CDC42: variants seen among roughly 807,000 people sequenced by gnomAD.
The protein encoded by CDC42 is cell division cycle 42, also known as cell division control protein 42 homolog.
In CDC42, 1 loss-of-function variant was observed where a neutral mutation model predicts 20.8. That is an observed-to-expected ratio of 0.05 (90% CI 0.02 to 0.23). The LOEUF (loss-of-function observed/expected upper bound fraction) is 0.23, where lower values mean the gene tolerates loss of function less well. CDC42 is among the 10% of genes least tolerant of loss of function. CDC42 has a pLI of 1.00. For synonymous variants in CDC42, 72 were observed against 84.8 expected (o/e 0.85, Z 0.83); for missense variants, 49 against 227.9 (o/e 0.21, Z 5.05).
Position 22,100,022 on chromosome 1 carries a change from TCTTCTTC to T in CDC42, c.*8506_*8512del, listed in dbSNP as rs1473115669. Among the ~76,000 whole-genome samples the T allele has an allele frequency of 3.8e-3, 107 of 28,302 alleles. No individual in the cohort carries two copies. Among genetic ancestry groups the T allele is most frequent in the African/African-American group, 0.015 (104 of 6,924 alleles). 18.6% of individuals were successfully genotyped at this position (28,302 alleles called of 152,430 possible). On this transcript the variant is annotated 3_prime_UTR_variant, in exon 6 of 6. Coordinates refer to ENST00000656825, the MANE Select transcript of CDC42 (RefSeq NM_001791.4). The stretch of plus-strand genomic sequence containing the variant: ...CTGGCCTTTTTTTCTTTCTTCTTCT[TCTTCTTC>T]TTTTTTTTTTTTTTTGTATAATAGG...
At position 22,101,060 on chromosome 1, in the gene CDC42, G is replaced by C. The variant is rs1462291706; in HGVS notation, c.*9543G>C. 6.6e-6 allele frequency: 1 copy of C among 152,234 alleles called. No homozygotes were observed. Among genetic ancestry groups the C allele is most frequent in the African/African-American group, 2.4e-5 (1 of 41,450 alleles). The allele number at this position is 152,234 out of a possible 1,614,324, so 9.4% of individuals were successfully genotyped here. A position where few individuals can be genotyped will look rare whatever the true frequency, so the allele number is the denominator to read the frequency against. Reference sequence around the variant, plus strand: ...CCTGTGAATTCTTCACTGGCTTCTTGTAAGAATGACTTTACTGGAGGGTGC... The same window carrying C: ...CCTGTGAATTCTTCACTGGCTTCTTCTAAGAATGACTTTACTGGAGGGTGC... On this transcript the variant is annotated 3_prime_UTR_variant, in exon 6 of 6. Transcript: ENST00000656825.
At chr1:22,053,314 A>T (rs1239351945) in intron 1 of CDC42, 1 of 151,524 alleles carries the variant, frequency 6.6e-6, no homozygotes, top group African/African-American at 2.4e-5. Flanking sequence ...GGGCGGTGGC[A>T]GGAGGGCAGC....
At chr1:22,064,928 G>T (rs1022721784) in intron 1 of CDC42, among the ~76,000 whole-genome samples, 9 of 152,062 alleles carry the variant, frequency 5.9e-5, no homozygotes, top group African/African-American at 2.2e-4. Flanking sequence ...ACCCACCTCG[G>T]CATTCTGGGA....
chr1:22,085,099 G>A (rs1019707690), intron 3 of CDC42, among the ~76,000 whole-genome samples: 3 of 151,974 alleles, frequency 2.0e-5, no homozygotes, highest in Non-Finnish European at 2.9e-5. Flanking sequence ...TGGTGCGGTG[G>A]TGTGTGCCTA....
chr1:22,080,033 G>A (rs763530913), intron 2 of CDC42, among the ~76,000 whole-genome samples: 1 of 152,174 alleles, frequency 6.6e-6, no homozygotes, highest in Non-Finnish European at 1.5e-5. Flanking sequence ...AATGGATTTG[G>A]TGTAGAATGC....
intron 5 of CDC42, among the ~76,000 whole-genome samples, chr1:22,087,335 C>T (rs1645671127): frequency 6.6e-6 from 1 of 152,176 alleles, no homozygotes; most frequent in African/African-American, 2.4e-5. Flanking sequence ...AGAAGGCAGC[C>T]ATGGCTATTT....
At position 22,093,161 on chromosome 1, in the gene CDC42, A is replaced by T. The variant is rs569046807; in HGVS notation, c.*1644A>T. ...CTCCTCTAAGTTTGACCCTTCCCTT[A>T]AATACCAAGTAGGTCCATAATAATT... On this transcript the variant is annotated 3_prime_UTR_variant, in exon 6 of 6. Transcript: ENST00000656825. Among the ~76,000 whole-genome samples, 1 of 152,320 alleles carries T rather than the reference A, an allele frequency of 6.6e-6. No homozygotes were observed. Among genetic ancestry groups the T allele is most frequent in the African/African-American group, 2.4e-5 (1 of 41,564 alleles).
At chr1:22,076,960 G>A (rs1645558506) in intron 1 of CDC42, among the ~76,000 whole-genome samples, 1 of 151,980 alleles carries the variant, frequency 6.6e-6, no homozygotes, top group Non-Finnish European at 1.5e-5. Flanking sequence ...ACCAGCCTGG[G>A]TAACAGTGAG....
intron 2 of CDC42, chr1:22,078,953 C>T: frequency 3.9e-6 from 3 of 778,830 alleles, no homozygotes; most frequent in Non-Finnish European, 5.2e-6. Context: ...CCTGGGATAC[C>T]ATTTGAGGTC....
intron 1 of CDC42, among the ~76,000 whole-genome samples, chr1:22,062,748 AAAAAAAAAAAAAAAAAAG>A: frequency 6.8e-6 from 1 of 147,464 alleles, no homozygotes; most frequent in African/African-American, 2.6e-5. Context: ...AAAAAAAAAA[AAAAAAAAAAAAAAAAAAG>A]ATTTTTTCCG....
intron 5 of CDC42, chr1:22,089,960 G>C (rs1224393975): frequency 5.6e-6 from 9 of 1,613,964 alleles, no homozygotes; most frequent in Non-Finnish European, 7.6e-6. Flanking sequence ...TGAAGAATGT[G>C]TTTGATGAGG....
In CDC42 at chr1:22,094,521, T is replaced by C. The variant is rs1165416582; in HGVS notation, c.*3004T>C. On this transcript the variant is annotated 3_prime_UTR_variant, in exon 6 of 6. Transcript: ENST00000656825. Reference sequence around the variant, plus strand: ...ACCGTGTTAGCCAGAATGGTCTCGATCTCCTGACCTCGTGATCCGCCCGCC... The same window carrying C: ...ACCGTGTTAGCCAGAATGGTCTCGACCTCCTGACCTCGTGATCCGCCCGCC... Among the ~76,000 whole-genome samples, 1 of 150,350 alleles carries C rather than the reference T, an allele frequency of 6.7e-6. No homozygotes were observed. Among genetic ancestry groups the C allele is most frequent in the Non-Finnish European group, 1.5e-5 (1 of 67,764 alleles).
At chr1:22,058,055 T>C (rs2152826167) in intron 1 of CDC42, among the ~76,000 whole-genome samples, 1 of 152,264 alleles carries the variant, frequency 6.6e-6, no homozygotes, top group South Asian at 2.1e-4. Flanking sequence ...CCGTTACCTT[T>C]ACCGTTGTCA....
chr1:22,066,134 T>C (rs1645420829), intron 1 of CDC42, among the ~76,000 whole-genome samples: 1 of 152,186 alleles, frequency 6.6e-6, no homozygotes, highest in Admixed American at 6.5e-5. Context: ...CTTAATATAC[T>C]GTTCAGTATT....
intron 1 of CDC42, among the ~76,000 whole-genome samples, chr1:22,062,510 C>T (rs144956014): frequency 1.3e-5 from 2 of 152,036 alleles, no homozygotes; most frequent in East Asian, 1.9e-4. Flanking sequence ...TGTAGACTTA[C>T]GACCAAATTA....
chr1:22,083,224 T>C (rs1462305275), intron 3 of CDC42, among the ~76,000 whole-genome samples: 1 of 152,118 alleles, frequency 6.6e-6, no homozygotes, highest in Non-Finnish European at 1.5e-5. Context: ...AATTAGTATT[T>C]TCAGATTTCA....
rs1645322202 is a variant in CDC42, at chr1:22,057,984, C to T, written c.-51+5242C>T. On this transcript the variant is annotated intron_variant, in intron 1 of 5. Transcript: ENST00000656825. The stretch of plus-strand genomic sequence containing the variant: ...TCACGTGATCTGCCTGCCTCGGCCT[C>T]CCAAAGTGCTGGAATTAACAGGCGT... 2.6e-5 allele frequency among the ~76,000 whole-genome samples: 4 copies of T among 152,318 alleles called. No individual in the cohort carries two copies. In the South Asian group the frequency reaches 8.3e-4, roughly 32 times the overall value.
At chr1:22,083,979 T>C (rs921791270) in intron 3 of CDC42, among the ~76,000 whole-genome samples, 1 of 152,350 alleles carries the variant, frequency 6.6e-6, no homozygotes, top group East Asian at 1.9e-4. Context: ...TTGGTAGTTG[T>C]TTCTTTTGAT....
chr1:22,078,063 C>G (rs1158002153), intron 1 of CDC42, among the ~76,000 whole-genome samples: 2 of 152,298 alleles, frequency 1.3e-5, no homozygotes, highest in East Asian at 1.9e-4. Flanking sequence ...TGCATACATA[C>G]AGGTGTGTGT....
Sources: gnomAD v4.1 joint callset for allele counts (sites outside exome capture counted in the v4.1 genomes callset) on GRCh38, gnomAD v4.1.1 for gene constraint, MANE v1.5 for transcripts, NCBI Gene and HGNC (gene_info 2026-07-23, HGNC 2026-07-21) for gene names.